CHEK2: variants seen among roughly 807,000 people sequenced by gnomAD.
CHEK2 encodes serine/threonine-protein kinase Chk2.
A neutral mutation model predicts 69.1 loss-of-function variants in CHEK2; 71 were observed. That is an observed-to-expected ratio of 1.03 (90% CI 0.85 to 1.25). CHEK2 has a LOEUF of 1.25. Among genes scored for constraint, CHEK2 ranks in the 50% most tolerant of loss-of-function variants. The probability of loss-of-function intolerance (pLI) is 0.00; values close to 1 mark genes in which losing one functional copy is unlikely to be tolerated. For missense variants in CHEK2, 664 were observed against 649.6 expected, an observed-to-expected ratio of 1.02 and a Z score of -0.24; for synonymous variants, 189 against 226.9, an observed-to-expected ratio of 0.83 and a Z score of 1.50.
chr22:28,699,679 C>T, intron 9 of CHEK2, 159 bp downstream of exon 9: 1 of 667,302 alleles, frequency 1.5e-6, no homozygotes, highest in South Asian at 1.7e-5. Context: ...GCTTTTTCAT[C>T]TCAGTGAAAG....
intron 5 of CHEK2, among the ~76,000 whole-genome samples, chr22:28,714,392 T>C (rs1249993469): frequency 6.6e-6 from 1 of 152,176 alleles, no homozygotes; most frequent in African/African-American, 2.4e-5. Context: ...TCAAGCCCTT[T>C]GCCCATTTGT....
intron 4 of CHEK2, among the ~76,000 whole-genome samples, chr22:28,719,946 C>G (rs867395011): frequency 6.6e-6 from 1 of 152,146 alleles, no homozygotes; most frequent in East Asian, 1.9e-4. Flanking sequence ...ATTATCATCT[C>G]TCAGCCATTT....
At chr22:28,703,241 G>A (rs1034079353) in intron 8 of CHEK2, among the ~76,000 whole-genome samples, 3 of 152,152 alleles carry the variant, frequency 2.0e-5, no homozygotes, top group Non-Finnish European at 2.9e-5. Context: ...TGACCCATGG[G>A]TGGTCAGCTA....
In CHEK2 at chr22:28,702,537, C is replaced by CT. The variant is rs35377840; in HGVS notation, c.908+967dup. Among the ~76,000 whole-genome samples the CT allele has an allele frequency of 6.2e-3, 754 of 121,010 alleles. 6 individuals are homozygous for CT. The highest frequency in any genetic ancestry group is 0.018 in the African/African-American group (575 of 32,444). The allele number at this position is 121,010 out of a possible 152,430, so 79.4% of individuals were successfully genotyped here. ...ACAGATGTGAGCCACTGCGCCCGGC[C>CT]TTTTTTTTTTTTTTTTTTTAATTTT... On this transcript the variant is annotated intron_variant, in intron 8 of 14. Coordinates refer to ENST00000404276, the MANE Select transcript of CHEK2 (RefSeq NM_007194.4).
At chr22:28,699,692 G>C (rs1254910644) in intron 9 of CHEK2, 146 bp downstream of exon 9, 1 of 710,844 alleles carries the variant, frequency 1.4e-6, no homozygotes, top group Non-Finnish European at 2.5e-6. Flanking sequence ...AGTGAAAGGA[G>C]TAGGACATTT....
At chr22:28,688,782 T>C (rs2052225781) in intron 14 of CHEK2, among the ~76,000 whole-genome samples, 1 of 152,092 alleles carries the variant, frequency 6.6e-6, no homozygotes, top group African/African-American at 2.4e-5. Flanking sequence ...ACAAAGAACT[T>C]TAAAGAATAA....
intron 7 of CHEK2, chr22:28,708,952 CAAAAAAA>C (rs374623367): frequency 3.3e-5 from 11 of 330,764 alleles, no homozygotes; most frequent in East Asian, 9.6e-5. Flanking sequence ...GCCTCCGTCT[CAAAAAAA>C]AAAAAAAAAA....
chr22:28,731,340 T>C (rs1365362590), intron 2 of CHEK2, among the ~76,000 whole-genome samples: 1 of 152,224 alleles, frequency 6.6e-6, no homozygotes, highest in Non-Finnish European at 1.5e-5. Context: ...GGCTCGCGCC[T>C]GTAATCCCAC....
Position 28,702,396 on chromosome 22 carries a change from A to G in CHEK2, c.908+1109T>C, listed in dbSNP as rs377450532. The stretch of plus-strand genomic sequence containing the variant: ...TGGGACTACAGGAGCCCACCACCAC[A>G]CCCAGCTAATTTTTTGTATTTTTAG... On this transcript the variant is annotated intron_variant, in intron 8 of 14. Coordinates refer to ENST00000404276, the MANE Select transcript of CHEK2 (RefSeq NM_007194.4). 4.3e-3 allele frequency among the ~76,000 whole-genome samples: 647 copies of G among 149,292 alleles called. 5 individuals are homozygous for G. The highest frequency in any genetic ancestry group is 0.014 in the African/African-American group (576 of 40,576).
intron 4 of CHEK2, among the ~76,000 whole-genome samples, chr22:28,720,154 G>T (rs1246546106): frequency 7.1e-6 from 1 of 141,776 alleles, no homozygotes; most frequent in Admixed American, 7.5e-5. Context: ...GCAGTGGCAT[G>T]ACCTCAGCTC....
chr22:28,716,467 G>A (rs2053592603), intron 5 of CHEK2, among the ~76,000 whole-genome samples: 1 of 152,172 alleles, frequency 6.6e-6, no homozygotes, highest in South Asian at 2.1e-4. Flanking sequence ...AAAGTGCTAG[G>A]ATTACAGGTG....
At chr22:28,725,485 T>G (rs2053972919) in intron 2 of CHEK2, 118 bp from the exon 3 acceptor site, 1 of 1,200,920 alleles carries the variant, frequency 8.3e-7, no homozygotes, top group African/African-American at 1.5e-5. Context: ...GAATTATCAA[T>G]CTGCTTATCA....
chr22:28,725,475 G>A (rs1034563443), intron 2 of CHEK2, 108 bp from the exon 3 acceptor site: 1 of 1,278,194 alleles, frequency 7.8e-7, no homozygotes, highest in Middle Eastern at 2.4e-4. Flanking sequence ...AAGGCAATCA[G>A]AATTATCAAT....
chr22:28,695,925 G>C (rs2052569591), intron 10 of CHEK2, 52 bp from the exon 11 acceptor site: 1 of 1,435,910 alleles, frequency 7.0e-7, no homozygotes, highest in Non-Finnish European at 9.8e-7. Flanking sequence ...AAAATAAAAA[G>C]ATTAACATAG....
intron 12 of CHEK2, among the ~76,000 whole-genome samples, chr22:28,694,385 T>A (rs1346183350): frequency 1.3e-5 from 2 of 152,120 alleles, no homozygotes; most frequent in African/African-American, 4.8e-5. Context: ...GTTGCTAGAC[T>A]CAAGGTCGGA....
In CHEK2 at chr22:28,710,035, C is replaced by G. The variant is rs587782152; in HGVS notation, c.817G>C (p.Glu273Gln). The G allele has an allele frequency of 1.3e-6, 2 of 1,556,638 alleles. No individual in the cohort carries two copies. Among genetic ancestry groups the G allele is most frequent in the African/African-American group, 1.4e-5 (1 of 73,652 alleles). ...EADPALNVET[E>Q]IEILKKLNHP... ...TTTAGCTTTTTCAAAATTTCTATTT[C>G]TGTTTCAACATTGAGAGCTGGGTCC... The change falls in exon 7 of 15, where the codon GAA becomes CAA. Residue 273 changes from glutamate (E) to glutamine (Q), a missense_variant. Transcript: ENST00000404276.
chr22:28,702,625 C>T (rs1223055876), intron 8 of CHEK2, among the ~76,000 whole-genome samples: 1 of 150,106 alleles, frequency 6.7e-6, no homozygotes, highest in Non-Finnish European at 1.5e-5. Context: ...CAGCTCACTG[C>T]AACCTCTGCC....
intron 5 of CHEK2, among the ~76,000 whole-genome samples, chr22:28,718,006 G>A (rs576612909): frequency 6.6e-6 from 1 of 152,146 alleles, no homozygotes; most frequent in Admixed American, 6.6e-5. Flanking sequence ...GCTTGAACCC[G>A]GGAGGCGGAG....
rs1009984484 is a variant in CHEK2, at chr22:28,689,561, G to T, written c.1462-346C>A. Among the ~76,000 whole-genome samples, 73 of 152,048 alleles carry T rather than the reference G, an allele frequency of 4.8e-4. 2 individuals carry two copies. Among genetic ancestry groups the T allele is most frequent in the Admixed American group, 4.8e-3 (73 of 15,250 alleles). The stretch of plus-strand genomic sequence containing the variant: ...GAGGCCAGAGGCTGGGCCTGACTCC[G>T]TGCAGCTCCTCAAATCCTTCCCGGA... On this transcript the variant is annotated intron_variant, in intron 13 of 14. Coordinates refer to ENST00000404276, the MANE Select transcript of CHEK2 (RefSeq NM_007194.4).
Sources: allele counts gnomAD v4.1 joint callset (sites outside exome capture counted in the v4.1 genomes callset), GRCh38; gene constraint gnomAD v4.1.1; transcripts MANE v1.5; gene names NCBI Gene and HGNC (gene_info 2026-07-23, HGNC 2026-07-21).